The following MYO1D variants were observed in gnomAD, a reference collection of about 807,000 sequenced individuals.
MYO1D encodes myosin ID.
A neutral mutation model predicts 122.0 loss-of-function variants in MYO1D; 83 were observed. The ratio of observed to expected loss-of-function variants is 0.68; its 90% CI spans 0.57 to 0.82. The LOEUF (loss-of-function observed/expected upper bound fraction) is 0.82. Ranked by LOEUF, MYO1D falls within the 40% of genes least tolerant of loss-of-function variation. The pLI is 0.00. For missense variants in MYO1D, 1,157 were observed against 1,269.5 expected, an observed-to-expected ratio of 0.91 and a Z score of 1.35; for synonymous variants, 464 against 446.9, an observed-to-expected ratio of 1.04 and a Z score of -0.48.
At chr17:32,515,990 A>T (rs1378425818) in intron 21 of MYO1D, among the ~76,000 whole-genome samples, 2 of 152,186 alleles carry the variant, frequency 1.3e-5, no homozygotes, top group East Asian at 3.8e-4. Flanking sequence ...GCTCCGATAC[A>T]CACTTTCATG....
At chr17:32,678,685 T>C (rs1052290544) in intron 16 of MYO1D, among the ~76,000 whole-genome samples, 1 of 147,768 alleles carries the variant, frequency 6.8e-6, no homozygotes, top group African/African-American at 2.5e-5. Flanking sequence ...TGGTTCCAAG[T>C]CTTTGCTATT....
intron 16 of MYO1D, among the ~76,000 whole-genome samples, chr17:32,690,444 G>T (rs1332171133): frequency 6.6e-6 from 1 of 152,100 alleles, no homozygotes; most frequent in Admixed American, 6.5e-5. Context: ...CAAAGTACTG[G>T]GATTACAGGT....
chr17:32,614,072 A>ATTTTTTTTTTTTTTTTTTTTTTTT (rs527897976), intron 20 of MYO1D, among the ~76,000 whole-genome samples: 1 of 126,624 alleles, frequency 7.9e-6, no homozygotes. Context: ...TAATGTTTTA[A>ATTTTTTTTTTTTTTTTTTTTTTTT]TTTTTTTTTT....
chr17:32,710,648 G>C (rs999822153), intron 16 of MYO1D, among the ~76,000 whole-genome samples: 6 of 152,160 alleles, frequency 3.9e-5, no homozygotes, highest in Admixed American at 1.3e-4. Context: ...AAGTTCATTA[G>C]AATGCTTACA....
intron 14 of MYO1D, among the ~76,000 whole-genome samples, chr17:32,736,561 A>G (rs2089703691): frequency 6.6e-6 from 1 of 152,226 alleles, no homozygotes; most frequent in Admixed American, 6.5e-5. Flanking sequence ...TATAGGAGAG[A>G]GTAATAAATG....
intron 14 of MYO1D, among the ~76,000 whole-genome samples, chr17:32,731,587 T>C (rs927754543): frequency 6.6e-6 from 1 of 152,220 alleles, no homozygotes; most frequent in Non-Finnish European, 1.5e-5. Context: ...GGAAATTCTT[T>C]AAGGTCTGGT....
intron 20 of MYO1D, among the ~76,000 whole-genome samples, chr17:32,611,893 T>C (rs1381053868): frequency 6.6e-6 from 1 of 152,214 alleles, no homozygotes; most frequent in Non-Finnish European, 1.5e-5. Context: ...AGGAGATAAG[T>C]AAATCCATTT....
intron 21 of MYO1D, among the ~76,000 whole-genome samples, chr17:32,582,722 G>T (rs2087353501): frequency 6.6e-6 from 1 of 152,020 alleles, no homozygotes; most frequent in South Asian, 2.1e-4. Context: ...CTATTGACTT[G>T]TTCTATCAAT....
rs3040378 is a variant in MYO1D at position 32,624,216 on chromosome 17, G to GTTT, written c.2709+14503_2709+14505dup. Among the ~76,000 whole-genome samples, 348 of 137,902 alleles carry GTTT rather than the reference G, an allele frequency of 2.5e-3. 6 individuals are homozygous for GTTT. Among genetic ancestry groups the GTTT allele is most frequent in the African/African-American group, 6.4e-3 (236 of 36,700 alleles). The allele number at this position is 137,902 out of a possible 152,430, so 90.5% of individuals were successfully genotyped here. A position where few individuals can be genotyped will look rare whatever the true frequency, so the allele number is the denominator to read the frequency against. On this transcript the variant is annotated intron_variant, in intron 20 of 21. Coordinates refer to ENST00000318217, the MANE Select transcript of MYO1D (RefSeq NM_015194.3). ...AAGCTTTATTTTATTTTTTCTTTAAGTTTTTTTTTTTTTTTTGTAGAGACA... is the reference window on the plus strand; with the variant it reads ...AAGCTTTATTTTATTTTTTCTTTAAGTTTTTTTTTTTTTTTTTTTGTAGAGACA...
In MYO1D at chr17:32,861,588, G is replaced by C. The variant is rs115942849; in HGVS notation, c.95+15190C>G. 2.4e-3 allele frequency among the ~76,000 whole-genome samples: 369 copies of C among 152,198 alleles called. 3 individuals are homozygous for C. Among genetic ancestry groups the C allele is most frequent in the African/African-American group, 8.6e-3 (356 of 41,532 alleles). On this transcript the variant is annotated intron_variant, in intron 1 of 21. Coordinates refer to ENST00000318217, the MANE Select transcript of MYO1D (RefSeq NM_015194.3). ...TAAATTTTGAATCTTGGGATTTTAT[G>C]TCCCAAGACCCTTCCGCAAAGTGTG...
At chr17:32,623,980 C>CGTG (rs2087888123) in intron 20 of MYO1D, among the ~76,000 whole-genome samples, 1 of 152,148 alleles carries the variant, frequency 6.6e-6, no homozygotes, top group African/African-American at 2.4e-5. Flanking sequence ...TGGGGGAACA[C>CGTG]CTTCAGACCT....
intron 1 of MYO1D, among the ~76,000 whole-genome samples, chr17:32,872,166 AAAG>A (rs1201423136): frequency 5.9e-5 from 9 of 152,244 alleles, no homozygotes; most frequent in African/African-American, 2.2e-4. Context: ...TCTGGGAGGG[AAAG>A]AAGGAGCCCT....
intron 21 of MYO1D, among the ~76,000 whole-genome samples, chr17:32,569,945 C>A (rs2087207368): frequency 6.6e-6 from 1 of 152,156 alleles, no homozygotes; most frequent in African/African-American, 2.4e-5. Context: ...CTAGAAGAAA[C>A]CACAGCAGAT....
At chr17:32,565,776 G>A (rs1028355929) in intron 21 of MYO1D, among the ~76,000 whole-genome samples, 1 of 152,054 alleles carries the variant, frequency 6.6e-6, no homozygotes, top group Admixed American at 6.6e-5. Flanking sequence ...TCAGGCTGGA[G>A]TGCAGTGGCG....
chr17:32,830,091 T>C (rs891253469), intron 1 of MYO1D: 1 of 152,230 alleles, frequency 6.6e-6, no homozygotes, highest in Non-Finnish European at 1.5e-5. Context: ...ATTAAATAAA[T>C]TTTACTTTAT....
intron 19 of MYO1D, among the ~76,000 whole-genome samples, chr17:32,652,937 C>G (rs975673669): frequency 2.1e-4 from 32 of 152,194 alleles, no homozygotes; most frequent in African/African-American, 7.5e-4. Flanking sequence ...GTCAGGAGAT[C>G]GAGACCATCC....
At chr17:32,813,243 C>A (rs532151252) in intron 1 of MYO1D, among the ~76,000 whole-genome samples, 1 of 152,186 alleles carries the variant, frequency 6.6e-6, no homozygotes, top group Non-Finnish European at 1.5e-5. Flanking sequence ...CTAAGCAATA[C>A]GCCAAGGGCT....
At chr17:32,577,960 C>T (rs556297368) in intron 21 of MYO1D, among the ~76,000 whole-genome samples, 52 of 152,210 alleles carry the variant, frequency 3.4e-4, no homozygotes, top group African/African-American at 1.2e-3. Context: ...AGGATGGTCT[C>T]GATCTCCTGA....
chr17:32,792,178 T>C (rs2090359435), intron 1 of MYO1D, among the ~76,000 whole-genome samples: 1 of 152,236 alleles, frequency 6.6e-6, no homozygotes, highest in Non-Finnish European at 1.5e-5. Flanking sequence ...TATGTGTATG[T>C]ATATCTGTAG....
Sources: gnomAD v4.1 joint callset for allele counts (sites outside exome capture counted in the v4.1 genomes callset) on GRCh38, gnomAD v4.1.1 for gene constraint, MANE v1.5 for transcripts, NCBI Gene and HGNC (gene_info 2026-07-23, HGNC 2026-07-21) for gene names.